Variants in ANKRD26 observed in about 807,000 individuals in gnomAD.
ANKRD26 encodes ankyrin repeat domain 26.
In ANKRD26, 141 loss-of-function variants were observed where a neutral mutation model predicts 208.7. The ratio of observed to expected loss-of-function variants is 0.68; its 90% CI spans 0.59 to 0.78. The LOEUF (loss-of-function observed/expected upper bound fraction) is 0.78, where lower values mean the gene tolerates loss of function less well. Ranked by LOEUF, ANKRD26 falls within the 30% of genes least tolerant of loss-of-function variation. ANKRD26 has a pLI of 0.00. For missense variants in ANKRD26, 1,889 were observed against 1,938.7 expected (o/e 0.97, Z 0.48); for synonymous variants, 636 against 660.4 (o/e 0.96, Z 0.57).
the ANKRD26 span, among the ~76,000 whole-genome samples, chr10:26,949,802 C>T: frequency 6.6e-6 from 1 of 152,142 alleles, no homozygotes; most frequent in African/African-American, 2.4e-5. Context: ...CGTGCCCAGC[C>T]TCTTATAGTT....
chr10:26,975,060 C>T (rs550914338), exon 6 of ANKRD26, among the ~76,000 whole-genome samples: 2 of 152,128 alleles, frequency 1.3e-5, no homozygotes, highest in African/African-American at 2.4e-5. Flanking sequence ...GGTTGTGTTA[C>T]AGGAGACTTG....
Position 27,039,996 on chromosome 10 carries a change from CTTT to C in ANKRD26, c.2341_2343del (p.Lys781del). 1 of 1,613,736 alleles carries C rather than the reference CTTT, an allele frequency of 6.2e-7. No individual in the cohort carries two copies. Among genetic ancestry groups the C allele is most frequent in the Non-Finnish European group, 8.5e-7 (1 of 1,179,868 alleles). ...GAGCACAGTTCTCGTTCCCATTCAA[CTTT>C]TTGATGCTCTAACTGTGATTTTATT... On this transcript the variant is annotated inframe_deletion, in exon 21 of 34. Transcript: ENST00000376087.
chr10:27,075,017 CT>C (rs1182565081), intron 9 of ANKRD26, among the ~76,000 whole-genome samples: 1 of 152,060 alleles, frequency 6.6e-6, no homozygotes, highest in Admixed American at 6.6e-5. Flanking sequence ...AAAATAAAGT[CT>C]TTCTTGAACA....
chr10:26,949,219 A>C, the ANKRD26 span, among the ~76,000 whole-genome samples: 10 of 152,164 alleles, frequency 6.6e-5, no homozygotes, highest in East Asian at 1.9e-4. Flanking sequence ...TGCTTCACCT[A>C]CACCTCCACA....
Position 27,100,158 on chromosome 10 carries a change from C to T in ANKRD26, c.169G>A (p.Gly57Ser). ...LGKIHKAASA[G>S]NVAKVQQILL... ...ATCTGCTGCACTTTCGCCACATTAC[C>T]CGCGCTGGCAGCTTTGTGGATCTTG... Residue 57 changes from glycine (G) to serine (S), a missense_variant, in exon 1 of 34, where the codon GGT becomes AGT. By Grantham distance (56) the Gly-to-Ser change is moderately conservative. Coordinates refer to ENST00000376087, the MANE Select transcript of ANKRD26 (RefSeq NM_014915.3). 1 of 1,614,146 alleles carries T rather than the reference C, an allele frequency of 6.2e-7. No homozygotes were observed. The highest frequency in any genetic ancestry group is 8.5e-7 in the Non-Finnish European group (1 of 1,179,982).
downstream of ANKRD26, among the ~76,000 whole-genome samples, chr10:26,990,435 T>C (rs2052465735): frequency 6.6e-6 from 1 of 152,186 alleles, no homozygotes; most frequent in South Asian, 2.1e-4. Context: ...GTGCTGCTTG[T>C]TGACCTAGAT....
intron 12 of ANKRD26, among the ~76,000 whole-genome samples, chr10:27,062,498 G>A (rs956096169): frequency 6.6e-6 from 1 of 152,184 alleles, no homozygotes; most frequent in Non-Finnish European, 1.5e-5. Context: ...AAGATCCCCA[G>A]CTGATTTATT....
In ANKRD26 at chr10:27,098,124, T is replaced by A. The variant is rs192687618; in HGVS notation, c.242+1961A>T. On this transcript the variant is annotated intron_variant, in intron 1 of 33. Coordinates refer to ENST00000376087, the MANE Select transcript of ANKRD26 (RefSeq NM_014915.3). ...AGATACCCTTTACTTTTTCTTTTTT[T>A]ATTTTTATTTTTTATCTTCTTAATT... Among the ~76,000 whole-genome samples the A allele has an allele frequency of 7.0e-4, 106 of 151,942 alleles. 2 individuals are homozygous for A. In the East Asian group the frequency reaches 0.02, roughly 29 times the overall value.
chr10:27,018,798 A>G (rs2053390242), intron 29 of ANKRD26, among the ~76,000 whole-genome samples: 1 of 152,198 alleles, frequency 6.6e-6, no homozygotes, highest in Non-Finnish European at 1.5e-5. Flanking sequence ...AGAAGAATGA[A>G]ACTAGACCCC....
At position 27,029,272 on chromosome 10, in the gene ANKRD26, G is replaced by C. The variant is rs1336605441; in HGVS notation, c.3878+14C>G. 3.1e-6 allele frequency: 5 copies of C among 1,604,650 alleles called. No individual in the cohort carries two copies. Among genetic ancestry groups the C allele is most frequent in the South Asian group, 1.1e-5 (1 of 89,788 alleles). On this transcript the variant is annotated intron_variant, in intron 26 of 33. Coordinates refer to ENST00000376087, the MANE Select transcript of ANKRD26 (RefSeq NM_014915.3). ...AAATAATCATGTTTTTCTGTGTGCTGCTTTAAATTTTACTTTTGCTTGTGA... is the reference window on the plus strand; with the variant it reads ...AAATAATCATGTTTTTCTGTGTGCTCCTTTAAATTTTACTTTTGCTTGTGA...
At chr10:27,030,254 G>T in intron 25 of ANKRD26, 1 of 372,846 alleles carries the variant, frequency 2.7e-6, no homozygotes, top group Non-Finnish European at 3.7e-6. Flanking sequence ...TACACCCCTA[G>T]TACTTCACAG....
At chr10:26,980,002 G>A (rs570347920) in intron 5 of ANKRD26, among the ~76,000 whole-genome samples, 4 of 152,074 alleles carry the variant, frequency 2.6e-5, no homozygotes, top group South Asian at 4.1e-4. Context: ...TTCTGACCAT[G>A]GCCCAATTTG....
intron 9 of ANKRD26, among the ~76,000 whole-genome samples, chr10:27,067,762 C>T (rs2055317858): frequency 6.6e-6 from 1 of 152,164 alleles, no homozygotes; most frequent in African/African-American, 2.4e-5. Flanking sequence ...GTCCCACCTC[C>T]AACACTGGGG....
Position 27,082,809 on chromosome 10 carries a change from A to C in ANKRD26, c.734T>G (p.Leu245Ter). The C allele has an allele frequency of 6.3e-7, 1 of 1,588,746 alleles. No homozygotes were observed. Among genetic ancestry groups the C allele is most frequent in the Non-Finnish European group, 8.6e-7 (1 of 1,166,424 alleles). Residue 245 changes from leucine (L) to a stop codon, truncating the protein, a stop_gained, in exon 6 of 34, where the codon TTA becomes TGA. Coordinates refer to ENST00000376087, the MANE Select transcript of ANKRD26 (RefSeq NM_014915.3). LOFTEE classifies it high-confidence loss of function. The part of the protein sequence containing the change: ...NSVDESSEDS[L>*]SRLSGKPGVD... ...AAAATCTGTAAAATACTACCTGCTTAAGGAGTCTTCAGAGCTTTCATCCAC... is the reference window on the plus strand; with the variant it reads ...AAAATCTGTAAAATACTACCTGCTTCAGGAGTCTTCAGAGCTTTCATCCAC...
At position 27,014,489 on chromosome 10, in the gene ANKRD26, C is replaced by G. The variant is rs780591166; in HGVS notation, c.4724+5G>C. 16 of 1,536,788 alleles carry G rather than the reference C, an allele frequency of 1.0e-5. No homozygotes were observed. In the Admixed American group the frequency reaches 2.7e-4, roughly 26 times the overall value. On this transcript the variant is annotated splice_donor_5th_base_variant and intron_variant, in intron 31 of 33. Coordinates refer to ENST00000376087, the MANE Select transcript of ANKRD26 (RefSeq NM_014915.3). ...TATTTCCTATGATTCTATATTTTGA[C>G]TTACTTGGTTAGTTTACTTGACAAA...
intron 9 of ANKRD26, among the ~76,000 whole-genome samples, chr10:27,071,536 CAAG>C (rs1423687095): frequency 6.6e-6 from 1 of 151,752 alleles, no homozygotes; most frequent in Non-Finnish European, 1.5e-5. Context: ...ATTTTTTTCC[CAAG>C]ATGACAGATG....
chr10:27,014,730 A>G lies in ANKRD26; in HGVS notation c.4507-19T>C, dbSNP rs1036771314. 12 of 1,596,210 alleles carry G rather than the reference A, an allele frequency of 7.5e-6. No individual in the cohort carries two copies. The African/African-American group carries it at 1.1e-4, about 14-fold the overall frequency. ...CTTGTGCCTAAAACAAATTAAAAGC[A>G]TATGTTTTAAAAATATATAACCTGA... On this transcript the variant is annotated intron_variant, in intron 30 of 33. Coordinates refer to ENST00000376087, the MANE Select transcript of ANKRD26 (RefSeq NM_014915.3).
intron 1 of ANKRD26, among the ~76,000 whole-genome samples, chr10:27,097,725 C>G (rs12250059): frequency 0.086 from 13,056 of 152,132 alleles, 897 homozygotes; most frequent in African/African-American, 0.19. Context: ...TCTCAGCTCA[C>G]TGTACCCTCC....
the ANKRD26 span, among the ~76,000 whole-genome samples, chr10:26,961,312 T>G: frequency 6.6e-6 from 1 of 152,104 alleles, no homozygotes; most frequent in Admixed American, 6.5e-5. Context: ...GTCCCAACTA[T>G]TCTATGCATA....
Sources: gnomAD v4.1 joint callset for allele counts (sites outside exome capture counted in the v4.1 genomes callset) on GRCh38, gnomAD v4.1.1 for gene constraint, MANE v1.5 for transcripts, NCBI Gene and HGNC (gene_info 2026-07-23, HGNC 2026-07-21) for gene names.